RALGPS1: variants seen among roughly 807,000 people sequenced by gnomAD.
RALGPS1 encodes ras-specific guanine nucleotide-releasing factor RalGPS1.
RALGPS1 carries 19 observed loss-of-function variants against 78.8 expected under a neutral mutation model. That is an observed-to-expected ratio of 0.24 (90% CI 0.17 to 0.35). RALGPS1 has a LOEUF of 0.35. Ranked by LOEUF, RALGPS1 falls within the 10% of genes least tolerant of loss-of-function variation. RALGPS1 has a pLI of 1.00. For missense variants in RALGPS1, 454 were observed against 688.3 expected, an observed-to-expected ratio of 0.66 and a Z score of 3.81; for synonymous variants, 228 against 256.3, an observed-to-expected ratio of 0.89 and a Z score of 1.06.
intron 6 of RALGPS1, among the ~76,000 whole-genome samples, chr9:127,050,364 C>G (rs2048196401): frequency 6.6e-6 from 1 of 152,208 alleles, no homozygotes. Context: ...GCCCCACACC[C>G]TATAATTTTA....
intron 4 of RALGPS1, among the ~76,000 whole-genome samples, chr9:126,998,106 A>G (rs1425219398): frequency 3.9e-5 from 6 of 152,254 alleles, no homozygotes; most frequent in Non-Finnish European, 8.8e-5. Flanking sequence ...GGACATAGGC[A>G]TGGGCAAGGA....
chr9:127,195,752 CCCTT>C (rs201544370), intron 12 of RALGPS1, among the ~76,000 whole-genome samples: 35 of 151,490 alleles, frequency 2.3e-4, no homozygotes, highest in South Asian at 1.5e-3. Context: ...ACAGATGAGT[CCCTT>C]CCTTCCTTCC....
chr9:127,021,165 A>G (rs1343458597), intron 4 of RALGPS1, among the ~76,000 whole-genome samples: 1 of 151,994 alleles, frequency 6.6e-6, no homozygotes, highest in Non-Finnish European at 1.5e-5. Context: ...AGGCAGGAGG[A>G]TTGCTTGAGC....
At chr9:127,104,421 G>A (rs2054025623) in intron 8 of RALGPS1, among the ~76,000 whole-genome samples, 1 of 152,204 alleles carries the variant, frequency 6.6e-6, no homozygotes, top group Non-Finnish European at 1.5e-5. Context: ...ATGACCCCTG[G>A]AGCCTTCCTC....
chr9:127,163,897 A>G (rs1374815415), intron 8 of RALGPS1, among the ~76,000 whole-genome samples: 3 of 152,220 alleles, frequency 2.0e-5, no homozygotes, highest in Non-Finnish European at 4.4e-5. Context: ...TTTTAAGGCT[A>G]TAAATTTCCC....
intron 11 of RALGPS1, among the ~76,000 whole-genome samples, chr9:127,187,963 CA>C (rs1450727147): frequency 9.2e-5 from 14 of 152,018 alleles, no homozygotes; most frequent in African/African-American, 2.9e-4. Flanking sequence ...ACCTGTGGCC[CA>C]CAGAATCAAC....
intron 1 of RALGPS1, among the ~76,000 whole-genome samples, chr9:126,921,680 A>G (rs1333426378): frequency 6.6e-6 from 1 of 152,234 alleles, no homozygotes; most frequent in Non-Finnish European, 1.5e-5. Context: ...TCCTGACACC[A>G]TCACTCACAA....
intron 7 of RALGPS1, among the ~76,000 whole-genome samples, chr9:127,057,399 G>A (rs2048833666): frequency 6.6e-6 from 1 of 152,206 alleles, no homozygotes; most frequent in South Asian, 2.1e-4. Flanking sequence ...GCTGCATCAC[G>A]GATGACTTCC....
chr9:127,003,095 C>T (rs2043495949), intron 4 of RALGPS1, among the ~76,000 whole-genome samples: 1 of 152,160 alleles, frequency 6.6e-6, no homozygotes, highest in South Asian at 2.1e-4. Context: ...TCTCCACATC[C>T]TCTCCAGCAC....
intron 11 of RALGPS1, among the ~76,000 whole-genome samples, chr9:127,193,811 C>T (rs2061206878): frequency 1.3e-5 from 2 of 152,170 alleles, no homozygotes; most frequent in Non-Finnish European, 2.9e-5. Context: ...TTGGTGTTCT[C>T]TGCAGGAAGC....
intron 8 of RALGPS1, among the ~76,000 whole-genome samples, chr9:127,159,231 G>A (rs551774997): frequency 1.1e-4 from 17 of 152,274 alleles, no homozygotes; most frequent in East Asian, 5.8e-4. Flanking sequence ...CACTCTGGGG[G>A]AACGTTTGCA....
intron 8 of RALGPS1, among the ~76,000 whole-genome samples, chr9:127,072,940 G>A (rs2050331212): frequency 6.6e-6 from 1 of 152,130 alleles, no homozygotes; most frequent in African/African-American, 2.4e-5. Flanking sequence ...TTTGCCAAGT[G>A]AAGACATTAT....
chr9:127,013,333 G>C (rs2044524003), intron 4 of RALGPS1, among the ~76,000 whole-genome samples: 1 of 152,120 alleles, frequency 6.6e-6, no homozygotes, highest in Admixed American at 6.5e-5. Context: ...AAGCTGAACA[G>C]GTGGAAGCCA....
intron 1 of RALGPS1, among the ~76,000 whole-genome samples, chr9:126,917,934 A>G (rs1028878497): frequency 2.0e-5 from 3 of 152,144 alleles, no homozygotes; most frequent in Middle Eastern, 3.2e-3. Context: ...CTTTTCTTCA[A>G]AGGCAGGAGG....
chr9:126,919,209 A>T (rs533990979), intron 1 of RALGPS1, among the ~76,000 whole-genome samples: 13 of 152,226 alleles, frequency 8.5e-5, no homozygotes, highest in Non-Finnish European at 1.6e-4. Context: ...CAGTTAGTAT[A>T]TACAGTTCCT....
chr9:126,962,481 GGCCAT>G (rs1226129310), intron 2 of RALGPS1, 135 bp downstream of exon 2: 1 of 850,818 alleles, frequency 1.2e-6, no homozygotes, highest in Non-Finnish European at 1.9e-6. Context: ...TAAGGCCCCT[GGCCAT>G]GCCAGGCGTG....
rs190429652 is a variant in RALGPS1 at position 127,089,303 on chromosome 9, C to T, written c.610+19947C>T. Among the ~76,000 whole-genome samples the T allele has an allele frequency of 3.9e-5, 6 of 152,286 alleles. No homozygotes were observed. The South Asian group carries it at 8.3e-4, about 21-fold the overall frequency. ...GTGGTGAGAGGCCATGCTTCAGGCC[C>T]GCCTTTGAGGCTCAGCTTTGTAACT... On this transcript the variant is annotated intron_variant, in intron 8 of 18. Transcript: ENST00000259351.
intron 5 of RALGPS1, among the ~76,000 whole-genome samples, chr9:127,038,161 T>C (rs1478678116): frequency 6.6e-6 from 1 of 152,260 alleles, no homozygotes; most frequent in East Asian, 1.9e-4. Context: ...TGACTGAATG[T>C]TTCTGCTTCC....
intron 8 of RALGPS1, among the ~76,000 whole-genome samples, chr9:127,114,461 A>G (rs947512901): frequency 1.3e-4 from 20 of 152,222 alleles, no homozygotes; most frequent in African/African-American, 4.8e-4. Context: ...TGGAAACCCA[A>G]AAGAGGTTGT....
Sources: gnomAD v4.1 joint callset for allele counts (sites outside exome capture counted in the v4.1 genomes callset) on GRCh38, gnomAD v4.1.1 for gene constraint, MANE v1.5 for transcripts, NCBI Gene and HGNC (gene_info 2026-07-23, HGNC 2026-07-21) for gene names.